The following OCA2 variants were observed in gnomAD, a reference collection of about 807,000 sequenced individuals.
OCA2 encodes OCA2 melanosomal transmembrane protein.
In OCA2, 77 loss-of-function variants were observed where a neutral mutation model predicts 100.2. The observed-to-expected ratio is 0.77, with a 90% confidence interval of 0.64 to 0.93. The LOEUF is 0.93. OCA2 is among the 40% of genes least tolerant of loss of function. OCA2 has a pLI of 0.00. For missense variants in OCA2, 1,062 were observed against 1,089.1 expected, an observed-to-expected ratio of 0.98 and a Z score of 0.35; for synonymous variants, 432 against 439.2, an observed-to-expected ratio of 0.98 and a Z score of 0.21.
chr15:27,920,957 C>A (rs2038834629), intron 19 of OCA2, among the ~76,000 whole-genome samples: 1 of 151,780 alleles, frequency 6.6e-6, no homozygotes, highest in South Asian at 2.1e-4. Context: ...AGCAAACCAA[C>A]ATGTCTGTAA....
chr15:28,076,301 T>C (rs1428037653), intron 2 of OCA2, among the ~76,000 whole-genome samples: 2 of 152,236 alleles, frequency 1.3e-5, no homozygotes, highest in Non-Finnish European at 2.9e-5. Context: ...AACCAATCCA[T>C]GACAGATGTA....
At chr15:27,913,842 A>AGAAAG (rs2038506942) in intron 19 of OCA2, among the ~76,000 whole-genome samples, 1 of 31,676 alleles carries the variant, frequency 3.2e-5, no homozygotes, top group Non-Finnish European at 5.1e-5. Context: ...AAGAAAGGAA[A>AGAAAG]GAAAGAAAGA....
Position 27,985,029 on chromosome 15 carries a change from G to C in OCA2, c.1364+35C>G, listed in dbSNP as rs767362087. ...GCAGAGCCCCTGCCTGCCAGAACCT[G>C]GCCGCAACTCCCACGGCAGAGGTGC... On this transcript the variant is annotated intron_variant, in intron 13 of 23. Transcript: ENST00000354638. 1.9e-5 allele frequency: 30 copies of C among 1,612,918 alleles called. No homozygotes were observed. The South Asian group carries it at 3.1e-4, about 17-fold the overall frequency.
intron 1 of OCA2, among the ~76,000 whole-genome samples, chr15:28,096,168 C>T (rs1362551553): frequency 2.1e-5 from 3 of 141,066 alleles, no homozygotes; most frequent in Non-Finnish European, 4.6e-5. Context: ...GTCTCGGGGG[C>T]GTGGCTTGTC....
chr15:27,859,126 G>A (rs2036042008), intron 21 of OCA2, among the ~76,000 whole-genome samples: 1 of 151,834 alleles, frequency 6.6e-6, no homozygotes, highest in African/African-American at 2.4e-5. Context: ...CTATAAAAAG[G>A]CAAGCAAACT....
chr15:27,917,199 GATA>G (rs112448919), intron 19 of OCA2, among the ~76,000 whole-genome samples: 8,199 of 152,012 alleles, frequency 0.054, 752 homozygotes, highest in African/African-American at 0.19. Context: ...TACTAAAAAT[GATA>G]ATAATAATAA....
intron 21 of OCA2, among the ~76,000 whole-genome samples, chr15:27,866,641 C>T (rs994563831): frequency 4.6e-5 from 7 of 152,128 alleles, no homozygotes; most frequent in Non-Finnish European, 7.4e-5. Context: ...CTTGACAATC[C>T]GCTTGTCCAG....
intron 2 of OCA2, among the ~76,000 whole-genome samples, chr15:28,058,490 C>T (rs1374423367): frequency 2.0e-5 from 3 of 151,852 alleles, no homozygotes; most frequent in African/African-American, 7.3e-5. Flanking sequence ...GGCCACCTGG[C>T]TCAGGCCCCA....
At chr15:28,045,225 G>C (rs528660203) in intron 2 of OCA2, among the ~76,000 whole-genome samples, 58 of 152,102 alleles carry the variant, frequency 3.8e-4, no homozygotes, top group Non-Finnish European at 7.6e-4. Context: ...AGGGTTTACA[G>C]TATACATCTT....
chr15:28,079,958 C>T (rs990198524), intron 2 of OCA2, among the ~76,000 whole-genome samples: 1 of 152,198 alleles, frequency 6.6e-6, no homozygotes, highest in Non-Finnish European at 1.5e-5. Context: ...CCCAGTCTGC[C>T]CCTGGTACAC....
At chr15:27,909,455 TGAAAAA>T (rs1178335567) in intron 19 of OCA2, among the ~76,000 whole-genome samples, 16 of 151,994 alleles carry the variant, frequency 1.1e-4, no homozygotes, top group African/African-American at 3.1e-4. Flanking sequence ...CAAAAAGCAC[TGAAAAA>T]GAAAAACTAA....
At chr15:27,882,510 C>T (rs2037061701) in intron 19 of OCA2, among the ~76,000 whole-genome samples, 1 of 152,100 alleles carries the variant, frequency 6.6e-6, no homozygotes, top group Non-Finnish European at 1.5e-5. Flanking sequence ...ACTTTAAATT[C>T]TTTGGTCATT....
intron 21 of OCA2, among the ~76,000 whole-genome samples, chr15:27,861,252 G>A (rs2036120466): frequency 6.6e-6 from 1 of 152,176 alleles, no homozygotes; most frequent in Non-Finnish European, 1.5e-5. Context: ...TGAGAGAACG[G>A]AGTCACGATT....
intron 23 of OCA2, among the ~76,000 whole-genome samples, chr15:27,806,348 T>C (rs2033846488): frequency 6.6e-6 from 1 of 152,248 alleles, no homozygotes; most frequent in African/African-American, 2.4e-5. Context: ...GCGCCATGGT[T>C]CACAGATGTG....
chr15:27,971,572 G>A (rs972153460), intron 14 of OCA2, among the ~76,000 whole-genome samples: 1 of 152,132 alleles, frequency 6.6e-6, no homozygotes, highest in African/African-American at 2.4e-5. Context: ...GGTGGGTCCT[G>A]GAGGTCCTCC....
At chr15:28,007,372 T>C (rs1215558369) in intron 9 of OCA2, among the ~76,000 whole-genome samples, 1 of 152,244 alleles carries the variant, frequency 6.6e-6, no homozygotes, top group African/African-American at 2.4e-5. Flanking sequence ...GTATTATAGA[T>C]GCAAAGTGCA....
At chr15:27,772,791 A>G (rs2031961353) in intron 23 of OCA2, among the ~76,000 whole-genome samples, 1 of 150,372 alleles carries the variant, frequency 6.7e-6, no homozygotes, top group Admixed American at 6.6e-5. Flanking sequence ...CAGTGAGCTG[A>G]GATCTCGCCA....
chr15:28,064,818 A>G (rs1235971801), intron 2 of OCA2, among the ~76,000 whole-genome samples: 1 of 151,482 alleles, frequency 6.6e-6, no homozygotes, highest in Non-Finnish European at 1.5e-5. Context: ...ATCCATTTAA[A>G]GGATTTAAAT....
At position 27,974,141 on chromosome 15, in the gene OCA2, T is replaced by G. The variant is rs532929902; in HGVS notation, c.1504-7319A>C. ...CAGTGGCAAACAGACATAGTTTGAC[T>G]TCCTCTTTTCCAATTTGGGTACTCT... On this transcript the variant is annotated intron_variant, in intron 14 of 23. Coordinates refer to ENST00000354638, the MANE Select transcript of OCA2 (RefSeq NM_000275.3). Among the ~76,000 whole-genome samples the G allele has an allele frequency of 2.6e-5, 4 of 152,330 alleles. No homozygotes were observed. The South Asian group carries it at 6.2e-4, about 24-fold the overall frequency.
Sources: gnomAD v4.1 joint callset for allele counts (sites outside exome capture counted in the v4.1 genomes callset) on GRCh38, gnomAD v4.1.1 for gene constraint, MANE v1.5 for transcripts, NCBI Gene and HGNC (gene_info 2026-07-23, HGNC 2026-07-21) for gene names.